Variants in SLC35A1 observed in about 807,000 individuals in gnomAD.
SLC35A1 encodes the protein solute carrier family 35 member A1.
SLC35A1 carries 21 observed loss-of-function variants against 40.3 expected under a neutral mutation model. The ratio of observed to expected loss-of-function variants is 0.52; its 90% CI spans 0.37 to 0.75. SLC35A1 has a LOEUF of 0.75. Ranked by LOEUF, SLC35A1 falls within the 30% of genes least tolerant of loss-of-function variation. The pLI is 0.00. For missense variants in SLC35A1, 297 were observed against 382.1 expected (o/e 0.78, Z 1.86); for synonymous variants, 146 against 147.3 (o/e 0.99, Z 0.06).
At chr6:87,493,510 TACC>T (rs1769622757) in intron 2 of SLC35A1, among the ~76,000 whole-genome samples, 1 of 152,136 alleles carries the variant, frequency 6.6e-6, no homozygotes, top group Non-Finnish European at 1.5e-5. Context: ...CATTGATTGA[TACC>T]ACAATTTTGA....
chr6:87,506,827 A>AGCTAAGTATCTTTTT (rs2127976853), intron 5 of SLC35A1: 1 of 258,108 alleles, frequency 3.9e-6, no homozygotes, highest in East Asian at 9.6e-5. Context: ...TAATGTTACC[A>AGCTAAGTATCTTTTT]GCTAAGTATC....
chr6:87,504,717 G>A (rs1770026949), intron 4 of SLC35A1, among the ~76,000 whole-genome samples: 1 of 152,146 alleles, frequency 6.6e-6, no homozygotes, highest in Non-Finnish European at 1.5e-5. Context: ...TCAGAATCAA[G>A]TCCAGATAAG....
In SLC35A1 at chr6:87,500,426, G is replaced by C; in HGVS notation, c.195-82G>C. 3.7e-6 allele frequency: 5 copies of C among 1,366,204 alleles called. No homozygotes were observed. The Admixed American group carries it at 8.5e-5, about 23-fold the overall frequency. 84.6% of individuals were successfully genotyped at this position (1,366,204 alleles called of 1,614,324 possible). On this transcript the variant is annotated intron_variant, in intron 2 of 7. Coordinates refer to ENST00000369552, the MANE Select transcript of SLC35A1 (RefSeq NM_006416.5). ...ACAGCAAGCATAGTATGCTTGTCCTGTGTTTGAAGAAGTCTTATTAAAATA... is the reference window on the plus strand; with the variant it reads ...ACAGCAAGCATAGTATGCTTGTCCTCTGTTTGAAGAAGTCTTATTAAAATA...
At position 87,478,831 on chromosome 6, in the gene SLC35A1, A is replaced by G. The variant is rs1235109059; in HGVS notation, c.194+1292A>G. Among the ~76,000 whole-genome samples the G allele has an allele frequency of 7.2e-5, 11 of 152,366 alleles. No homozygotes were observed. The East Asian group carries it at 1.9e-3, about 27-fold the overall frequency. ...CTCAGCAAGGCAGTTTTCCTTCTAT[A>G]GAAGGGTGTGCCCTCACAGATGGAG... On this transcript the variant is annotated intron_variant, in intron 2 of 7. Transcript: ENST00000369552.
intron 4 of SLC35A1, among the ~76,000 whole-genome samples, 181 bp downstream of exon 4, chr6:87,501,491 G>A (rs1769922720): frequency 6.6e-6 from 1 of 152,140 alleles, no homozygotes; most frequent in South Asian, 2.1e-4. Flanking sequence ...CTTATTGGTT[G>A]TTTCTCAGAG....
chr6:87,498,498 G>A lies in SLC35A1; in HGVS notation c.195-2010G>A, dbSNP rs146824977. 2.5e-4 allele frequency among the ~76,000 whole-genome samples: 38 copies of A among 152,252 alleles called. No individual in the cohort carries two copies. The East Asian group carries it at 7.1e-3, about 29-fold the overall frequency. On this transcript the variant is annotated intron_variant, in intron 2 of 7. Transcript: ENST00000369552. ...ATACTCTATTTAAGATGTTGGCCAGGTGCAGTGGCTCATGCCTGTAATTCC... is the reference window on the plus strand; with the variant it reads ...ATACTCTATTTAAGATGTTGGCCAGATGCAGTGGCTCATGCCTGTAATTCC...
chr6:87,511,489 G>C lies in SLC35A1; in HGVS notation c.977G>C (p.Gly326Ala). Reference protein sequence around the residue: ...PRQDTTSIQQGETASKERVIG... With the variant: ...PRQDTTSIQQAETASKERVIG... ...CAAGACACTACATCCATCCAACAAG[G>C]AGAAACAGCTTCAAAGGAGAGAGTT... Residue 326 changes from glycine (G) to alanine (A), a missense_variant, in exon 8 of 8, where the codon GGA becomes GCA. Gly to Ala is a moderately conservative substitution (Grantham distance 60). Coordinates refer to ENST00000369552, the MANE Select transcript of SLC35A1 (RefSeq NM_006416.5). The C allele has an allele frequency of 6.2e-7, 1 of 1,613,922 alleles. No homozygotes were observed. Among genetic ancestry groups the C allele is most frequent in the Non-Finnish European group, 8.5e-7 (1 of 1,179,962 alleles).
chr6:87,489,888 C>T (rs969605911), intron 2 of SLC35A1, among the ~76,000 whole-genome samples: 11 of 150,532 alleles, frequency 7.3e-5, no homozygotes, highest in African/African-American at 2.7e-4. Context: ...CAACGCAAAG[C>T]AGACAAAGAC....
At position 87,500,521 on chromosome 6, in the gene SLC35A1, C is replaced by G. The variant is rs1462411591; in HGVS notation, c.208C>G (p.Leu70Val). 1 of 1,614,026 alleles carries G rather than the reference C, an allele frequency of 6.2e-7. No individual in the cohort carries two copies. The highest frequency in any genetic ancestry group is 8.5e-7 in the Non-Finnish European group (1 of 1,179,972). Residue 70 changes from leucine (L) to valine (V), a missense_variant, in exon 3 of 8, where the codon CTG becomes GTG. Physicochemically the swap from Leu to Val is conservative, Grantham distance 32. Coordinates refer to ENST00000369552, the MANE Select transcript of SLC35A1 (RefSeq NM_006416.5). ...VGILAKETGS[L>V]GRFKASLREN... is the part of the protein sequence containing the mutation. ...TTGTTTTCAAAGAGAAACTGGTAGT[C>G]TGGGTAGATTCAAAGCATCTTTAAG... is the stretch of plus-strand genomic sequence containing the variant.
At chr6:87,482,641 C>T (rs187959317) in intron 2 of SLC35A1, among the ~76,000 whole-genome samples, 5 of 152,288 alleles carry the variant, frequency 3.3e-5, no homozygotes, top group South Asian at 2.1e-4. Flanking sequence ...AACCATCTAT[C>T]GTCCTGTCCT....
At chr6:87,496,199 G>C (rs1769719925) in intron 2 of SLC35A1, 1 of 152,056 alleles carries the variant, frequency 6.6e-6, no homozygotes, top group Non-Finnish European at 1.5e-5. Flanking sequence ...CTGGTTGATA[G>C]GAAATTTAGT....
intron 4 of SLC35A1, among the ~76,000 whole-genome samples, chr6:87,505,938 A>AAG (rs1272978856): frequency 6.6e-6 from 1 of 152,198 alleles, no homozygotes; most frequent in Non-Finnish European, 1.5e-5. Flanking sequence ...AAATTCAATA[A>AAG]ATTGGGGAGT....
At chr6:87,506,900 G>T in intron 5 of SLC35A1, 1 of 184,646 alleles carries the variant, frequency 5.4e-6, no homozygotes, top group South Asian at 1.1e-4. Flanking sequence ...TATGGAGTAG[G>T]ATCATGAGGT....
At chr6:87,474,383 A>G (rs1014088989) in intron 1 of SLC35A1, among the ~76,000 whole-genome samples, 1 of 152,208 alleles carries the variant, frequency 6.6e-6, no homozygotes, top group Non-Finnish European at 1.5e-5. Context: ...GAAAAAAAAC[A>G]TTTTAAACTG....
intron 2 of SLC35A1, among the ~76,000 whole-genome samples, 176 bp from the exon 3 acceptor site, chr6:87,500,332 A>T (rs1194375666): frequency 6.6e-6 from 1 of 152,208 alleles, no homozygotes; most frequent in Non-Finnish European, 1.5e-5. Context: ...ATAATTTTTT[A>T]AAGAGGATAC....
At chr6:87,511,253 A>T in intron 7 of SLC35A1, 146 bp from the exon 8 acceptor site, 1 of 833,496 alleles carries the variant, frequency 1.2e-6, no homozygotes, top group Non-Finnish European at 1.9e-6. Context: ...TTTGGCTGTA[A>T]TGGAAGACCT....
intron 2 of SLC35A1, among the ~76,000 whole-genome samples, chr6:87,495,870 T>G (rs1241759943): frequency 6.6e-6 from 1 of 152,136 alleles, no homozygotes; most frequent in Non-Finnish European, 1.5e-5. Context: ...TAAATCAGGA[T>G]GGTCTCGATC....
chr6:87,496,791 A>ACAAC (rs1554166043), intron 2 of SLC35A1, among the ~76,000 whole-genome samples: 1 of 139,188 alleles, frequency 7.2e-6, no homozygotes, highest in East Asian at 2.0e-4. Flanking sequence ...AAAAAAAAAA[A>ACAAC]AAAGAAAAAC....
rs747644865 is a variant in SLC35A1, at chr6:87,511,379, A to ATT, written c.887-10_887-9dup. On this transcript the variant is annotated intron_variant, in intron 7 of 7. Transcript: ENST00000369552. Reference sequence around the variant, plus strand: ...TAAAGACACACATACAGATAAAGCTATTTTTTTTTTTCTTTTCAGCACTCA... The same window carrying ATT: ...TAAAGACACACATACAGATAAAGCTATTTTTTTTTTTTTCTTTTCAGCACTCA... 8 of 1,297,094 alleles carry ATT rather than the reference A, an allele frequency of 6.2e-6. No individual in the cohort carries two copies. Among genetic ancestry groups the ATT allele is most frequent in the East Asian group, 2.7e-5 (1 of 36,574 alleles). 80.3% of individuals were successfully genotyped at this position (1,297,094 alleles called of 1,614,324 possible).
Sources: allele counts gnomAD v4.1 joint callset (sites outside exome capture counted in the v4.1 genomes callset), GRCh38; gene constraint gnomAD v4.1.1; transcripts MANE v1.5; gene names NCBI Gene and HGNC (gene_info 2026-07-23, HGNC 2026-07-21).